Variants in KLHL13 observed in about 807,000 individuals in gnomAD.
KLHL13 encodes kelch-like protein 13.
In KLHL13, 10 loss-of-function variants were observed where a neutral mutation model predicts 37.1. That is an observed-to-expected ratio of 0.27 (90% CI 0.17 to 0.46). KLHL13 has a LOEUF of 0.46. Among genes scored for constraint, KLHL13 ranks in the 20% least tolerant of loss-of-function variants. The pLI, the probability that KLHL13 is intolerant of heterozygous loss-of-function variation, is 1.00. For synonymous variants in KLHL13, 163 were observed against 181.2 expected (o/e 0.90, Z 0.81); for missense variants, 360 against 509.3 (o/e 0.71, Z 2.82).
At chrX:118,018,012 T>C in intron 1 of KLHL13, among the ~76,000 whole-genome samples, 1 of 111,615 alleles carries the variant, frequency 9.0e-6, no homozygotes, top group South Asian at 3.8e-4. Context: ...GACATTACCA[T>C]AATGCATGCA....
At chrX:118,033,278 G>C (rs2054384629) in intron 1 of KLHL13, among the ~76,000 whole-genome samples, 1 of 110,833 alleles carries the variant, frequency 9.0e-6, no homozygotes, top group Non-Finnish European at 1.9e-5. Flanking sequence ...GCAACTCTAA[G>C]ACACATAATT....
chrX:117,964,264 T>A lies in KLHL13; in HGVS notation c.98+8467A>T, dbSNP rs371256154. Among the ~76,000 whole-genome samples, 161 of 112,143 alleles carry A rather than the reference T, an allele frequency of 1.4e-3. 2 individuals are homozygous for A. Among genetic ancestry groups the A allele is most frequent in the African/African-American group, 5.1e-3 (157 of 30,885 alleles). On this transcript the variant is annotated intron_variant, in intron 1 of 6. Coordinates refer to ENST00000262820, the Ensembl canonical transcript of KLHL13. The stretch of plus-strand genomic sequence containing the variant: ...TTAACATGTGTTATCTACCTCCAGT[T>A]CAAGTCTCCTCATTTAGTCCAGACA...
chrX:118,107,728 C>G (rs917230533), intron 1 of KLHL13, among the ~76,000 whole-genome samples: 4 of 111,280 alleles, frequency 3.6e-5, no homozygotes, highest in African/African-American at 1.3e-4. Context: ...GGTTCAAGAT[C>G]ATAGCCATTA....
At chrX:118,048,227 G>A (rs1287972011) in intron 1 of KLHL13, among the ~76,000 whole-genome samples, 1 of 111,579 alleles carries the variant, frequency 9.0e-6, no homozygotes, top group Non-Finnish European at 1.9e-5. Context: ...CATAATAGGA[G>A]ATACTAGAGC....
At chrX:118,013,250 A>C in intron 1 of KLHL13, among the ~76,000 whole-genome samples, 1 of 111,861 alleles carries the variant, frequency 8.9e-6, no homozygotes, top group Non-Finnish European at 1.9e-5. Flanking sequence ...GTGACAATAG[A>C]CAGTATACAG....
intron 1 of KLHL13, among the ~76,000 whole-genome samples, chrX:118,043,518 A>G (rs2054527053): frequency 9.0e-6 from 1 of 111,685 alleles, no homozygotes; most frequent in South Asian, 3.8e-4. Flanking sequence ...ATTCAACAAC[A>G]CATTAAAAAG....
intron 1 of KLHL13, among the ~76,000 whole-genome samples, chrX:118,081,793 T>C (rs1002135676): frequency 9.0e-6 from 1 of 111,236 alleles, no homozygotes; most frequent in Non-Finnish European, 1.9e-5. Context: ...TCTACCTCCA[T>C]GAAGTCAACT....
intron 1 of KLHL13, among the ~76,000 whole-genome samples, chrX:118,011,095 A>C (rs999687387): frequency 2.8e-5 from 3 of 108,510 alleles, no homozygotes; most frequent in African/African-American, 1.0e-4. Context: ...TAAATAAATA[A>C]ATAAATAAGA....
rs183582817 is a variant in KLHL13 at position 118,093,144 on chromosome X, A to T, written c.-56+23364T>A. On this transcript the variant is annotated intron_variant, in intron 1 of 6. Transcript: ENST00000371882. Reference sequence around the variant, plus strand: ...GCCTCCACTAGTTGATAACAATTACATTGCTAATTTGTCATTTACCTCATT... The same window carrying T: ...GCCTCCACTAGTTGATAACAATTACTTTGCTAATTTGTCATTTACCTCATT... Among the ~76,000 whole-genome samples, 346 of 111,854 alleles carry T rather than the reference A, an allele frequency of 3.1e-3. 4 individuals carry two copies. The highest frequency in any genetic ancestry group is 0.011 in the African/African-American group (326 of 30,904).
rs760907811 is a variant in KLHL13 at position 117,899,316 on chromosome X, T to C, written c.1560A>G (p.Pro520=). Residue 520 remains proline (P), a synonymous_variant, in exon 7 of 7, where the codon CCA becomes CCG. Transcript: ENST00000262820. ...AATGCAGACCTCTGACAGTGGTCATTGGCGCCTTCTGGATCCATTTGTCAG... is the reference window on the plus strand; with the variant it reads ...AATGCAGACCTCTGACAGTGGTCATCGGCGCCTTCTGGATCCATTTGTCAG... 1.2e-4 allele frequency: 146 copies of C among 1,209,366 alleles called. 13 individuals carry two copies. Among genetic ancestry groups the C allele is most frequent in the African/African-American group, 1.7e-5 (1 of 57,163 alleles).
At chrX:118,096,307 A>G (rs1415817684) in intron 1 of KLHL13, among the ~76,000 whole-genome samples, 1 of 111,837 alleles carries the variant, frequency 8.9e-6, no homozygotes, top group Non-Finnish European at 1.9e-5. Context: ...ACACCTCTAC[A>G]CAAATAAACT....
chrX:118,025,936 G>C (rs940765578), intron 1 of KLHL13, among the ~76,000 whole-genome samples: 3 of 111,807 alleles, frequency 2.7e-5, no homozygotes, highest in African/African-American at 9.7e-5. Context: ...GAGTAGAAGA[G>C]ATGAGCAGAA....
At chrX:118,034,166 A>C (rs2054401666) in intron 1 of KLHL13, among the ~76,000 whole-genome samples, 1 of 102,124 alleles carries the variant, frequency 9.8e-6, no homozygotes. Flanking sequence ...TCCACTGTCA[A>C]CATTAGACAG....
Position 117,919,809 on chromosome X carries a change from A to C in KLHL13, c.374-92T>G, listed in dbSNP as rs187770945. Reference sequence around the variant, plus strand: ...ATTAGATGCAATAAAATCAAAGGAAAGTCTTATCTTATATAAGCAGTCATA... The same window carrying C: ...ATTAGATGCAATAAAATCAAAGGAACGTCTTATCTTATATAAGCAGTCATA... On this transcript the variant is annotated intron_variant, in intron 3 of 6. Transcript: ENST00000262820. 76 of 646,163 alleles carry C rather than the reference A, an allele frequency of 1.2e-4. 1 individual carries two copies. The East Asian group carries it at 2.2e-3, about 19-fold the overall frequency. 53.3% of individuals were successfully genotyped at this position (646,163 alleles called of 1,213,427 possible).
intron 1 of KLHL13, among the ~76,000 whole-genome samples, chrX:118,073,052 C>G (rs1292265770): frequency 9.2e-6 from 1 of 108,967 alleles, no homozygotes; most frequent in African/African-American, 3.4e-5. Context: ...CAAGACTGTG[C>G]CACTGCACTA....
chrX:117,930,242 G>GAGGAAGGAAGGA (rs757311737), intron 2 of KLHL13, among the ~76,000 whole-genome samples: 1,938 of 62,882 alleles, frequency 0.031, 57 homozygotes, highest in East Asian at 0.087. Flanking sequence ...GGAAGGAAGG[G>GAGGAAGGAAGGA]AGGAAGGAAG....
intron 1 of KLHL13, among the ~76,000 whole-genome samples, chrX:118,109,641 A>G (rs2055385696): frequency 8.9e-6 from 1 of 112,362 alleles, no homozygotes; most frequent in African/African-American, 3.2e-5. Flanking sequence ...CCACCTTGTC[A>G]CCACCCTGCT....
At chrX:117,924,007 G>T (rs1271722722) in intron 2 of KLHL13, among the ~76,000 whole-genome samples, 4 of 111,391 alleles carry the variant, frequency 3.6e-5, no homozygotes, top group Non-Finnish European at 7.6e-5. Flanking sequence ...CTTTTGTAAG[G>T]TTTTACATTT....
chrX:117,995,257 T>TC (rs776274532), intron 1 of KLHL13, among the ~76,000 whole-genome samples: 59 of 111,503 alleles, frequency 5.3e-4, no homozygotes, highest in Non-Finnish European at 9.6e-4. Context: ...TAATAATTTC[T>TC]CATAAAAAGA....
Sources: gnomAD v4.1 joint callset for allele counts (sites outside exome capture counted in the v4.1 genomes callset) on GRCh38, gnomAD v4.1.1 for gene constraint, MANE v1.5 for transcripts, NCBI Gene and HGNC (gene_info 2026-07-23, HGNC 2026-07-21) for gene names.